The following CTXND1 variants were observed in gnomAD, a reference collection of about 807,000 sequenced individuals.
The protein encoded by CTXND1 is cortexin domain containing 1.
rs553403217 is a variant in CTXND1, at chr15:80,240,051, C to G, written c.-218+11956G>C. On this transcript the variant is annotated intron_variant, in intron 1 of 2. Coordinates refer to ENST00000560778, the MANE Select transcript of CTXND1 (RefSeq NM_001352888.2). ...CACGATCTCAGCCCACCGCAACCTC[C>G]GTCTCCCAGGTTCAAGTGATTCTCC... Among the ~76,000 whole-genome samples, 200 of 152,298 alleles carry G rather than the reference C, an allele frequency of 1.3e-3. 2 individuals are homozygous for G. The highest frequency in any genetic ancestry group is 4.5e-3 in the African/African-American group (187 of 41,550).
rs565357871 is a variant in CTXND1 at position 80,197,699 on chromosome 15, A to C, written c.*4071T>G. Reference sequence around the variant, plus strand: ...TGGGCACCTCTCCACAGGCTGGGCCACAGGACATTGTGGGTGGTCATTGAT... The same window carrying C: ...TGGGCACCTCTCCACAGGCTGGGCCCCAGGACATTGTGGGTGGTCATTGAT... On this transcript the variant is annotated 3_prime_UTR_variant, in exon 3 of 3. Coordinates refer to ENST00000560778, the MANE Select transcript of CTXND1 (RefSeq NM_001352888.2). 1 of 152,448 alleles carries C rather than the reference A, an allele frequency of 6.6e-6. No homozygotes were observed. Among genetic ancestry groups the C allele is most frequent in the East Asian group, 1.9e-4 (1 of 5,182 alleles). The allele number at this position is 152,448 out of a possible 1,614,324, so 9.4% of individuals were successfully genotyped here.
chr15:80,251,674 G>A (rs1348422641), intron 1 of CTXND1, among the ~76,000 whole-genome samples: 1 of 152,152 alleles, frequency 6.6e-6, no homozygotes. Flanking sequence ...ACACTCTCCC[G>A]GTTTCTGAGC....
chr15:80,213,045 G>GT (rs35402883), intron 1 of CTXND1, among the ~76,000 whole-genome samples: 41,615 of 151,946 alleles, frequency 0.27, 6,045 homozygotes, highest in Middle Eastern at 0.35. Context: ...TCTTCCTTCT[G>GT]TTTTTTTCTC....
Position 80,217,391 on chromosome 15 carries a change from TACA to T in CTXND1, c.-217-13654_-217-13652del, listed in dbSNP as rs145424755. 5.6e-3 allele frequency among the ~76,000 whole-genome samples: 848 copies of T among 152,320 alleles called. 11 individuals are homozygous for T. The highest frequency in any genetic ancestry group is 0.019 in the African/African-American group (805 of 41,578). On this transcript the variant is annotated intron_variant, in intron 1 of 2. Coordinates refer to ENST00000560778, the MANE Select transcript of CTXND1 (RefSeq NM_001352888.2). ...ATGTTAATATTTTATTTAGGATTCT[TACA>T]ACAATTACTAAGTAAAATGGAATCT... is the stretch of plus-strand genomic sequence containing the variant.
At chr15:80,216,445 C>T (rs1042664358) in intron 1 of CTXND1, among the ~76,000 whole-genome samples, 1 of 152,186 alleles carries the variant, frequency 6.6e-6, no homozygotes, top group Non-Finnish European at 1.5e-5. Flanking sequence ...GCATTTCCTT[C>T]CTACAAATTT....
At chr15:80,246,321 A>G (rs1893629033) in intron 1 of CTXND1, among the ~76,000 whole-genome samples, 1 of 152,234 alleles carries the variant, frequency 6.6e-6, no homozygotes, top group Non-Finnish European at 1.5e-5. Flanking sequence ...ATAGGTTGAA[A>G]TTGGAGTAAT....
At chr15:80,224,336 GT>G (rs1208584437) in intron 1 of CTXND1, among the ~76,000 whole-genome samples, 1 of 152,192 alleles carries the variant, frequency 6.6e-6, no homozygotes, top group Non-Finnish European at 1.5e-5. Flanking sequence ...AATTGCTATT[GT>G]TATAAGCCAA....
intron 1 of CTXND1, among the ~76,000 whole-genome samples, chr15:80,207,507 T>C (rs1893159815): frequency 6.6e-6 from 1 of 152,224 alleles, no homozygotes; most frequent in Non-Finnish European, 1.5e-5. Context: ...TATCATAATT[T>C]TTTTGAAGTC....
At chr15:80,232,260 C>A (rs544321944) in intron 1 of CTXND1, among the ~76,000 whole-genome samples, 3 of 152,178 alleles carry the variant, frequency 2.0e-5, no homozygotes, top group Non-Finnish European at 4.4e-5. Flanking sequence ...TGCATACCTC[C>A]CTGCCCCCGA....
intron 1 of CTXND1, among the ~76,000 whole-genome samples, chr15:80,210,167 C>G (rs2142124666): frequency 6.6e-6 from 1 of 152,318 alleles, no homozygotes; most frequent in South Asian, 2.1e-4. Context: ...GCCTCTGAAT[C>G]TCTCCAGATC....
At position 80,228,636 on chromosome 15, in the gene CTXND1, C is replaced by CTTTTT. The variant is rs58443773; in HGVS notation, c.-218+23366_-218+23370dup. On this transcript the variant is annotated intron_variant, in intron 1 of 2. Coordinates refer to ENST00000560778, the MANE Select transcript of CTXND1 (RefSeq NM_001352888.2). Reference sequence around the variant, plus strand: ...CGCTGAAATGCTACAAAATCTGAAACTTTTTTTTTTGGAGACACAGTCTTG... The same window carrying CTTTTT: ...CGCTGAAATGCTACAAAATCTGAAACTTTTTTTTTTTTTTTGGAGACACAGTCTTG... Among the ~76,000 whole-genome samples, 108 of 139,920 alleles carry CTTTTT rather than the reference C, an allele frequency of 7.7e-4. 1 individual carries two copies. The highest frequency in any genetic ancestry group is 7.3e-3 in the Middle Eastern group (2 of 274). The allele number at this position is 139,920 out of a possible 152,430, so 91.8% of individuals were successfully genotyped here.
Position 80,201,916 on chromosome 15 carries a change from C to T in CTXND1, c.34G>A (p.Asp12Asn). 1 of 398,756 alleles carries T rather than the reference C, an allele frequency of 2.5e-6. No individual in the cohort carries two copies. Among genetic ancestry groups the T allele is most frequent in the South Asian group, 1.3e-4 (1 of 7,858 alleles). 24.7% of individuals were successfully genotyped at this position (398,756 alleles called of 1,614,324 possible). A position where few individuals can be genotyped will look rare whatever the true frequency, so the allele number is the denominator to read the frequency against. Residue 12 changes from aspartate (D) to asparagine (N), a missense_variant, in exon 3 of 3, where the codon GAC becomes AAC. Coordinates refer to ENST00000560778, the MANE Select transcript of CTXND1 (RefSeq NM_001352888.2). Reference sequence around the variant, plus strand: ...GCCAAGGTCAGCCCTTTGTCTACGTCGACATAGACGGGCTCGGGCGTGGGC... The same window carrying T: ...GCCAAGGTCAGCCCTTTGTCTACGTTGACATAGACGGGCTCGGGCGTGGGC... ...EEPTPEPVYVDVDKGLTLACF... is the reference protein window; with the variant it reads ...EEPTPEPVYVNVDKGLTLACF...
intron 1 of CTXND1, among the ~76,000 whole-genome samples, chr15:80,215,261 A>T (rs1180525768): frequency 2.0e-5 from 3 of 152,128 alleles, no homozygotes; most frequent in Non-Finnish European, 4.4e-5. Context: ...TTCTTCTGAG[A>T]GCTGGGGGAA....
chr15:80,204,645 T>TTG (rs1893127355), intron 1 of CTXND1, among the ~76,000 whole-genome samples: 1 of 33,558 alleles, frequency 3.0e-5, no homozygotes, highest in South Asian at 1.6e-3. Context: ...TAATATTCCA[T>TTG]TGTATATATA....
chr15:80,204,670 TATAC>T (rs142368230), intron 1 of CTXND1, among the ~76,000 whole-genome samples: 4,093 of 128,810 alleles, frequency 0.032, 227 homozygotes, highest in African/African-American at 0.11. Context: ...TATATATATA[TATAC>T]CACATTTTGT....
At chr15:80,213,089 A>G (rs1435740437) in intron 1 of CTXND1, among the ~76,000 whole-genome samples, 1 of 152,152 alleles carries the variant, frequency 6.6e-6, no homozygotes, top group Admixed American at 6.5e-5. Context: ...CTGTTATCCT[A>G]TGCTTGTCCC....
At chr15:80,209,127 C>T (rs1893179425) in intron 1 of CTXND1, among the ~76,000 whole-genome samples, 1 of 152,154 alleles carries the variant, frequency 6.6e-6, no homozygotes, top group Non-Finnish European at 1.5e-5. Flanking sequence ...GTCCTATAAC[C>T]TGGTGACATA....
At position 80,197,956 on chromosome 15, in the gene CTXND1, A is replaced by AT. The variant is rs2041428902; in HGVS notation, c.*3813dup. 1 of 152,210 alleles carries AT rather than the reference A, an allele frequency of 6.6e-6. No homozygotes were observed. Among genetic ancestry groups the AT allele is most frequent in the Non-Finnish European group, 1.5e-5 (1 of 68,042 alleles). The allele number at this position is 152,210 out of a possible 1,614,324, so 9.4% of individuals were successfully genotyped here. On this transcript the variant is annotated 3_prime_UTR_variant, in exon 3 of 3. Coordinates refer to ENST00000560778, the MANE Select transcript of CTXND1 (RefSeq NM_001352888.2). ...CAGCAACTAATTGGAAAAAAATGAAATAGCTATGATGGGAATGATATGCCA... is the reference window on the plus strand; with the variant it reads ...CAGCAACTAATTGGAAAAAAATGAAATTAGCTATGATGGGAATGATATGCCA...
chr15:80,208,730 T>G (rs1437395693), intron 1 of CTXND1, among the ~76,000 whole-genome samples: 1 of 152,196 alleles, frequency 6.6e-6, no homozygotes, highest in Non-Finnish European at 1.5e-5. Flanking sequence ...GGACCATGCT[T>G]TGAAAACATG....
Sources: gnomAD v4.1 joint callset for allele counts (sites outside exome capture counted in the v4.1 genomes callset) on GRCh38, gnomAD v4.1.1 for gene constraint, MANE v1.5 for transcripts, NCBI Gene and HGNC (gene_info 2026-07-23, HGNC 2026-07-21) for gene names.